Variants in METAP1D observed in about 807,000 individuals in gnomAD.
The protein encoded by METAP1D is methionyl aminopeptidase type 1D, mitochondrial.
In METAP1D, 31 loss-of-function variants were observed where a neutral mutation model predicts 40.5. The ratio of observed to expected loss-of-function variants is 0.77; its 90% confidence interval spans 0.58 to 1.03. The LOEUF is 1.03. Ranked by LOEUF, METAP1D falls within the 50% of genes least tolerant of loss-of-function variation. METAP1D has a pLI of 0.00. For synonymous variants in METAP1D, 151 were observed against 146.4 expected, an observed-to-expected ratio of 1.03 and a Z score of -0.22; for missense variants, 411 against 420.7, an observed-to-expected ratio of 0.98 and a Z score of 0.20.
At chr2:172,068,251 T>C (rs1172125272) in intron 5 of METAP1D, among the ~76,000 whole-genome samples, 1 of 151,910 alleles carries the variant, frequency 6.6e-6, no homozygotes, top group Non-Finnish European at 1.5e-5. Context: ...AAATTAGCCC[T>C]GTGTGGGGGC....
rs528655064 is a variant in METAP1D at position 172,067,242 on chromosome 2, C to T, written c.540+936C>T. 2.6e-5 allele frequency among the ~76,000 whole-genome samples: 4 copies of T among 152,230 alleles called. No homozygotes were observed. In the East Asian group the frequency reaches 7.7e-4, roughly 29 times the overall value. On this transcript the variant is annotated intron_variant, in intron 5 of 9. Coordinates refer to ENST00000315796, the MANE Select transcript of METAP1D (RefSeq NM_199227.3). ...TTGAAATGACAATATTCAGGGAATACAATTTCTATTAATAAGGAAGTGTTT... is the reference window on the plus strand; with the variant it reads ...TTGAAATGACAATATTCAGGGAATATAATTTCTATTAATAAGGAAGTGTTT...
At chr2:172,042,843 G>A (rs111208318) in intron 1 of METAP1D, among the ~76,000 whole-genome samples, 2,514 of 11,978 alleles carry the variant, frequency 0.21, 964 homozygotes, top group Non-Finnish European at 0.38. Flanking sequence ...ACATATACGT[G>A]TGTGTGTATA....
chr2:172,016,306 T>A (rs868364777), intron 1 of METAP1D, among the ~76,000 whole-genome samples: 1,657 of 50,792 alleles, frequency 0.033, 14 homozygotes, highest in African/African-American at 0.039. Flanking sequence ...AAAAAATATA[T>A]ATATATATAT....
At chr2:172,005,520 T>TATATATATATATATA (rs1688556250) in intron 1 of METAP1D, among the ~76,000 whole-genome samples, 5 of 110,938 alleles carry the variant, frequency 4.5e-5, no homozygotes, top group Non-Finnish European at 9.0e-5. Context: ...TGTCTGTATT[T>TATATATATATATATA]TATATATATA....
At chr2:172,048,970 G>C (rs1001886104) in intron 1 of METAP1D, among the ~76,000 whole-genome samples, 1 of 151,996 alleles carries the variant, frequency 6.6e-6, no homozygotes, top group Non-Finnish European at 1.5e-5. Context: ...AATTTTTAAC[G>C]TTTTTAAATT....
At chr2:172,036,158 A>C (rs1029934078) in intron 1 of METAP1D, among the ~76,000 whole-genome samples, 2 of 151,396 alleles carry the variant, frequency 1.3e-5, no homozygotes, top group Admixed American at 6.6e-5. Context: ...TCTACTAAAA[A>C]TACAAAAAGT....
chr2:172,018,135 A>G (rs913354685), intron 1 of METAP1D, among the ~76,000 whole-genome samples: 1 of 150,774 alleles, frequency 6.6e-6, no homozygotes, highest in Non-Finnish European at 1.5e-5. Flanking sequence ...TCAAAAAAAA[A>G]AAAAAAAAAA....
intron 1 of METAP1D, among the ~76,000 whole-genome samples, chr2:172,007,665 C>T (rs1688618775): frequency 6.6e-6 from 1 of 152,070 alleles, no homozygotes; most frequent in Non-Finnish European, 1.5e-5. Context: ...ATTCTAGTAC[C>T]AGTTATGCTG....
chr2:172,070,221 C>A (rs900284677), intron 5 of METAP1D, among the ~76,000 whole-genome samples: 4 of 152,130 alleles, frequency 2.6e-5, no homozygotes, highest in Admixed American at 6.5e-5. Flanking sequence ...TGTAATTGTG[C>A]TTTTAAGCTT....
At chr2:172,001,550 T>C (rs1373747845) in intron 1 of METAP1D, among the ~76,000 whole-genome samples, 1 of 150,774 alleles carries the variant, frequency 6.6e-6, no homozygotes, top group Non-Finnish European at 1.5e-5. Context: ...AAAAAAAAAA[T>C]AAATAAAAAT....
chr2:172,027,179 C>T (rs1689136822), intron 1 of METAP1D, among the ~76,000 whole-genome samples: 1 of 152,238 alleles, frequency 6.6e-6, no homozygotes. Flanking sequence ...CAACCTAACA[C>T]ACAAAACCAT....
At chr2:172,019,984 A>G (rs1688967543) in intron 1 of METAP1D, among the ~76,000 whole-genome samples, 1 of 152,152 alleles carries the variant, frequency 6.6e-6, no homozygotes, top group African/African-American at 2.4e-5. Flanking sequence ...TAGGGCTCCA[A>G]TCTCAGGTAT....
chr2:172,033,380 A>G (rs1689285607), intron 1 of METAP1D, among the ~76,000 whole-genome samples: 1 of 151,356 alleles, frequency 6.6e-6, no homozygotes, highest in Non-Finnish European at 1.5e-5. Flanking sequence ...TTGAGACGGA[A>G]TCTCACTCTG....
In METAP1D at chr2:172,081,585, C is replaced by G. The variant is rs188898162; in HGVS notation, c.*1179C>G. The G allele has an allele frequency of 2.2e-4, 33 of 152,384 alleles. No homozygotes were observed. The highest frequency in any genetic ancestry group is 6.3e-4 in the African/African-American group (26 of 41,576). The allele number at this position is 152,384 out of a possible 1,614,324, so 9.4% of individuals were successfully genotyped here. A position where few individuals can be genotyped will look rare whatever the true frequency, so the allele number is the denominator to read the frequency against. ...TTGCGCTTGCTCTCCGGTACCTGTTCCTCACCTGAGCTCAAGGGCAGGGAG... is the reference window on the plus strand; with the variant it reads ...TTGCGCTTGCTCTCCGGTACCTGTTGCTCACCTGAGCTCAAGGGCAGGGAG... On this transcript the variant is annotated 3_prime_UTR_variant, in exon 10 of 10. Transcript: ENST00000315796.
intron 7 of METAP1D, 129 bp from the exon 8 acceptor site, chr2:172,079,086 C>T: frequency 3.4e-6 from 3 of 881,938 alleles, no homozygotes; most frequent in Non-Finnish European, 5.3e-6. Flanking sequence ...GAAATCTCCA[C>T]CCTTCCTTCT....
chr2:172,054,521 A>AAAATAAAT (rs56060951), intron 1 of METAP1D, among the ~76,000 whole-genome samples: 5,283 of 149,292 alleles, frequency 0.035, 295 homozygotes, highest in African/African-American at 0.11. Flanking sequence ...ACTCTGTCTC[A>AAAATAAAT]AAATAAATAA....
Position 172,014,900 on chromosome 2 carries a change from C to A in METAP1D, c.40+14891C>A, listed in dbSNP as rs146740213. ...AACTCCTGACCTTGTAATCCGCCCA[C>A]CTCAGCCTCCCTAAGTGCTGGGATT... On this transcript the variant is annotated intron_variant, in intron 1 of 9. Transcript: ENST00000315796. 5.7e-3 allele frequency among the ~76,000 whole-genome samples: 872 copies of A among 152,270 alleles called. 11 individuals are homozygous for A. Among genetic ancestry groups the A allele is most frequent in the African/African-American group, 0.018 (760 of 41,552 alleles).
intron 1 of METAP1D, among the ~76,000 whole-genome samples, chr2:172,035,295 G>T (rs1424440861): frequency 6.6e-6 from 1 of 152,086 alleles, no homozygotes; most frequent in African/African-American, 2.4e-5. Flanking sequence ...CTCCCGAGTA[G>T]CTGGGACTGC....
At chr2:172,032,207 C>T (rs1004510211) in intron 1 of METAP1D, among the ~76,000 whole-genome samples, 1 of 151,928 alleles carries the variant, frequency 6.6e-6, no homozygotes, top group African/African-American at 2.4e-5. Context: ...ATCCCACTCC[C>T]GAAATAAAAG....
Sources: allele counts gnomAD v4.1 joint callset (sites outside exome capture counted in the v4.1 genomes callset), GRCh38; gene constraint gnomAD v4.1.1; transcripts MANE v1.5; gene names NCBI Gene and HGNC (gene_info 2026-07-23, HGNC 2026-07-21).